The following RNASE4 variants were observed in gnomAD, a reference collection of about 807,000 sequenced individuals.
The protein encoded by RNASE4 is ribonuclease A family member 4, also known as ribonuclease 4.
For synonymous variants in RNASE4, 93 were observed against 71.4 expected (o/e 1.30, Z -1.52); for missense variants, 194 against 192.8 (o/e 1.01, Z -0.04).
At chr14:20,691,786 T>C (rs1886764218) in intron 1 of RNASE4, among the ~76,000 whole-genome samples, 1 of 152,246 alleles carries the variant, frequency 6.6e-6, no homozygotes, top group African/African-American at 2.4e-5. Flanking sequence ...TTATAATTTG[T>C]AATGGAATCA....
At chr14:20,687,632 T>A (rs1330634771) in intron 1 of RNASE4, among the ~76,000 whole-genome samples, 3 of 152,230 alleles carry the variant, frequency 2.0e-5, no homozygotes, top group African/African-American at 7.2e-5. Context: ...ATCTGCTGTT[T>A]GTTCTTGGAG....
rs189391171 is a variant in RNASE4, at chr14:20,695,504, T to C, written c.-17-3851T>C. On this transcript the variant is annotated intron_variant, in intron 1 of 1. Coordinates refer to ENST00000555835, the MANE Select transcript of RNASE4 (RefSeq NM_002937.5). ...ACATAACTTAGGTTAACACACTCTT[T>C]GTAAAATACACTGTTCAATCTACAG... Among the ~76,000 whole-genome samples the C allele has an allele frequency of 7.3e-4, 112 of 152,398 alleles. 2 individuals are homozygous for C. Among genetic ancestry groups the C allele is most frequent in the African/African-American group, 2.4e-3 (100 of 41,598 alleles).
At chr14:20,688,379 T>C (rs1409088716) in intron 1 of RNASE4, among the ~76,000 whole-genome samples, 1 of 152,176 alleles carries the variant, frequency 6.6e-6, no homozygotes, top group Non-Finnish European at 1.5e-5. Context: ...AATAGTACAG[T>C]GGAAAAGCAT....
chr14:20,691,401 C>T (rs555686536), intron 1 of RNASE4, among the ~76,000 whole-genome samples: 4 of 152,228 alleles, frequency 2.6e-5, no homozygotes, highest in Admixed American at 1.3e-4. Context: ...ATAAGATCTT[C>T]CAAAAAACTA....
intron 1 of RNASE4, among the ~76,000 whole-genome samples, chr14:20,687,714 T>G (rs1886491139): frequency 6.6e-6 from 1 of 152,246 alleles, no homozygotes; most frequent in South Asian, 2.1e-4. Context: ...AATGTAGTCA[T>G]GTATGTGAGA....
chr14:20,690,999 G>C (rs1886712965), intron 1 of RNASE4, among the ~76,000 whole-genome samples: 1 of 152,192 alleles, frequency 6.6e-6, no homozygotes, highest in Non-Finnish European at 1.5e-5. Context: ...TCTGAACTTT[G>C]TGGCTTTTAC....
At chr14:20,685,630 G>A (rs1391127429) in intron 1 of RNASE4, among the ~76,000 whole-genome samples, 1 of 152,214 alleles carries the variant, frequency 6.6e-6, no homozygotes, top group South Asian at 2.1e-4. Context: ...ATGACAAGCA[G>A]AGTAAAATAA....
At chr14:20,688,889 A>T in intron 1 of RNASE4, 1 of 980,362 alleles carries the variant, frequency 1.0e-6, no homozygotes. Flanking sequence ...ACTATTGTTC[A>T]ATTTGTTTTA....
At chr14:20,693,408 A>T in intron 1 of RNASE4, 1 of 1,128,378 alleles carries the variant, frequency 8.9e-7, no homozygotes, top group Non-Finnish European at 1.3e-6. Flanking sequence ...TTAATGAGGA[A>T]GGGAAAATAG....
intron 1 of RNASE4, among the ~76,000 whole-genome samples, chr14:20,692,982 G>A (rs990265186): frequency 6.6e-6 from 1 of 151,520 alleles, no homozygotes; most frequent in South Asian, 2.1e-4. Flanking sequence ...CGAGTAGCTG[G>A]GACTACAGGC....
At chr14:20,694,258 G>T in intron 1 of RNASE4, 1 of 585,256 alleles carries the variant, frequency 1.7e-6, no homozygotes, top group Non-Finnish European at 3.1e-6. Flanking sequence ...CTCCCTGAGA[G>T]GACTGCATAG....
rs3094 is a variant in RNASE4 at position 20,699,896 on chromosome 14, T to G, written c.*81T>G. The G allele has an allele frequency of 1.5e-5, 19 of 1,226,648 alleles. No homozygotes were observed. In the South Asian group the frequency reaches 2.6e-4, roughly 17 times the overall value. 76.0% of individuals were successfully genotyped at this position (1,226,648 alleles called of 1,614,324 possible). ...AGCAGTGAGTAATGCATTTGAGCTGTCCCAGGCTCTGTCTCCTCAGCTCAT... is the reference window on the plus strand; with the variant it reads ...AGCAGTGAGTAATGCATTTGAGCTGGCCCAGGCTCTGTCTCCTCAGCTCAT... On this transcript the variant is annotated 3_prime_UTR_variant, in exon 2 of 2. Transcript: ENST00000555835.
At position 20,684,697 on chromosome 14, in the gene RNASE4, G is replaced by A. The variant is rs1479721746; in HGVS notation, c.-79G>A. The A allele has an allele frequency of 2.6e-5, 4 of 152,304 alleles. No homozygotes were observed. In the East Asian group the frequency reaches 7.7e-4, roughly 29 times the overall value. The allele number at this position is 152,304 out of a possible 1,614,324, so 9.4% of individuals were successfully genotyped here. The stretch of plus-strand genomic sequence containing the variant: ...CATCGTACTAGGGAGGAAGAAGCGG[G>A]TGAGAAACAAAACTTCTTTCCATTG... On this transcript the variant is annotated 5_prime_UTR_variant, in exon 1 of 2. The change creates a new upstream start codon in the 5' untranslated region. Transcript: ENST00000555835.
rs1195735648 is a variant in RNASE4 at position 20,700,952 on chromosome 14, C to T, written c.*1137C>T. On this transcript the variant is annotated 3_prime_UTR_variant, in exon 2 of 2. Transcript: ENST00000555835. The stretch of plus-strand genomic sequence containing the variant: ...TGCCTTAACTGATGACATTCCACCA[C>T]TGTGATTTGTTCCTGCCCCACCTTA... 6.6e-6 allele frequency: 1 copy of T among 152,236 alleles called. No individual in the cohort carries two copies. Among genetic ancestry groups the T allele is most frequent in the African/African-American group, 2.4e-5 (1 of 41,444 alleles). 9.4% of individuals were successfully genotyped at this position (152,236 alleles called of 1,614,324 possible).
At chr14:20,687,361 C>A (rs1242873206) in intron 1 of RNASE4, among the ~76,000 whole-genome samples, 1 of 152,240 alleles carries the variant, frequency 6.6e-6, no homozygotes, top group Non-Finnish European at 1.5e-5. Context: ...AGGGACCTAA[C>A]TATATTCAGA....
At chr14:20,698,557 AC>A (rs1887169182) in intron 1 of RNASE4, among the ~76,000 whole-genome samples, 1 of 152,208 alleles carries the variant, frequency 6.6e-6, no homozygotes, top group Admixed American at 6.5e-5. Flanking sequence ...GTTCATTCAA[AC>A]AGTAGCTATT....
At chr14:20,698,625 A>G (rs1594214230) in intron 1 of RNASE4, among the ~76,000 whole-genome samples, 1 of 152,164 alleles carries the variant, frequency 6.6e-6, no homozygotes, top group East Asian at 1.9e-4. Flanking sequence ...TTTTTTAAAA[A>G]ATAGAATTAA....
chr14:20,690,790 T>C (rs188458732), intron 1 of RNASE4, among the ~76,000 whole-genome samples: 1 of 152,286 alleles, frequency 6.6e-6, no homozygotes, highest in African/African-American at 2.4e-5. Context: ...TAAAAAATAT[T>C]AAGGGTTATA....
intron 1 of RNASE4, among the ~76,000 whole-genome samples, chr14:20,690,181 G>A (rs539551998): frequency 2.9e-3 from 332 of 113,870 alleles, no homozygotes; most frequent in South Asian, 5.0e-3. Context: ...CGCCACTGCA[G>A]TCCGCAGTCC....
Sources: allele counts gnomAD v4.1 joint callset (sites outside exome capture counted in the v4.1 genomes callset), GRCh38; gene constraint gnomAD v4.1.1; transcripts MANE v1.5; gene names NCBI Gene and HGNC (gene_info 2026-07-23, HGNC 2026-07-21).